The following DYRK3 variants were observed in gnomAD, a reference collection of about 807,000 sequenced individuals.
DYRK3 encodes dual specificity tyrosine phosphorylation regulated kinase 3, also known as dual specificity tyrosine-phosphorylation-regulated kinase 3.
A neutral mutation model predicts 40.8 loss-of-function variants in DYRK3; 30 were observed. The ratio of observed to expected loss-of-function variants is 0.74; its 90% CI spans 0.55 to 1.00. The LOEUF is 1.00. Ranked by LOEUF, DYRK3 falls within the 50% of genes least tolerant of loss-of-function variation. DYRK3 has a pLI of 0.00. For missense variants in DYRK3, 699 were observed against 731.5 expected (o/e 0.96, Z 0.51); for synonymous variants, 272 against 260.7 (o/e 1.04, Z -0.42).
Position 206,651,420 on chromosome 1 carries a change from T to G in DYRK3, c.*2455T>G, listed in dbSNP as rs541407211. Among the ~76,000 whole-genome samples the G allele has an allele frequency of 6.6e-6, 1 of 152,360 alleles. No individual in the cohort carries two copies. The highest frequency in any genetic ancestry group is 1.9e-4 in the East Asian group (1 of 5,196). The stretch of plus-strand genomic sequence containing the variant: ...TCTTCACTGTGTTCTTGGATCAGCC[T>G]TCTTTCAACTACCAAGAAATGGATG... On this transcript the variant is annotated 3_prime_UTR_variant, in exon 3 of 3. Transcript: ENST00000367109.
chr1:206,648,644 CTG>C lies in DYRK3; in HGVS notation c.1447_1448del (p.Trp483GlyfsTer8). ...AGCGGGGTCCCCCAGGCAGCAAAGA[CTG>C]GGGGACAGCACTGAAAGGGTGTGAT... ...KKRGPPGSKD[W>X]GTALKGCDDY... On this transcript the variant is annotated frameshift_variant, in exon 3 of 3. Transcript: ENST00000367109. LOFTEE classifies it high-confidence loss of function. 6.2e-7 allele frequency: 1 copy of C among 1,613,848 alleles called. No individual in the cohort carries two copies. Among genetic ancestry groups the C allele is most frequent in the Non-Finnish European group, 8.5e-7 (1 of 1,179,830 alleles).
At position 206,647,824 on chromosome 1, in the gene DYRK3, A is replaced by C; in HGVS notation, c.626A>C (p.Tyr209Ser). Residue 209 changes from tyrosine (Y) to serine (S), a missense_variant, in exon 3 of 3, where the codon TAT becomes TCT. Physicochemically the swap from Tyr to Ser is moderately radical, Grantham distance 144 (BLOSUM62 -2). Transcript: ENST00000367109. ...CCTCGAGACCATCTAGCTTATCGAT[A>C]TGAGGTGCTGAAAATTATTGGCAAG... ...HVPRDHLAYRYEVLKIIGKGS... is the reference protein window; with the variant it reads ...HVPRDHLAYRSEVLKIIGKGS... The C allele has an allele frequency of 1.9e-6, 3 of 1,614,142 alleles. No individual in the cohort carries two copies. The highest frequency in any genetic ancestry group is 2.5e-6 in the Non-Finnish European group (3 of 1,180,034).
chr1:206,648,271 C>T lies in DYRK3; in HGVS notation c.1073C>T (p.Ser358Phe), dbSNP rs782022196. ...TCAACCAAGGTCATTGACTTTGGGT[C>T]CAGCTGTTTCGAGTACCAGAAGCTC... is the stretch of plus-strand genomic sequence containing the variant. ...RSSTKVIDFG[S>F]SCFEYQKLYT... The change falls in exon 3 of 3, where the codon TCC becomes TTC. Residue 358 changes from serine (S) to phenylalanine (F), a missense_variant. Coordinates refer to ENST00000367109, the MANE Select transcript of DYRK3 (RefSeq NM_003582.4). 5.0e-6 allele frequency: 8 copies of T among 1,613,254 alleles called. No individual in the cohort carries two copies. The Admixed American group carries it at 1.3e-4, about 27-fold the overall frequency.
chr1:206,636,053 G>C (rs1553418272), intron 1 of DYRK3: 1 of 1,514,930 alleles, frequency 6.6e-7, no homozygotes. Context: ...CCTAGATCGG[G>C]GTATATGTTA....
At chr1:206,639,340 A>T (rs782085245) in intron 2 of DYRK3, among the ~76,000 whole-genome samples, 20 of 152,110 alleles carry the variant, frequency 1.3e-4, no homozygotes, top group Non-Finnish European at 2.8e-4. Context: ...GAACTTCAGA[A>T]CCATATACAT....
rs1253286766 is a variant in DYRK3, at chr1:206,652,026, C to T, written c.*3061C>T. ...CCAGCAGCAGTGTCAAGACAGCTGA[C>T]ACTGTCTTCCAAGAGTGAATGCATT... On this transcript the variant is annotated 3_prime_UTR_variant, in exon 3 of 3. Coordinates refer to ENST00000367109, the MANE Select transcript of DYRK3 (RefSeq NM_003582.4). Among the ~76,000 whole-genome samples, 2 of 152,142 alleles carry T rather than the reference C, an allele frequency of 1.3e-5. No individual in the cohort carries two copies. The highest frequency in any genetic ancestry group is 4.8e-5 in the African/African-American group (2 of 41,428).
chr1:206,646,386 G>C (rs782576342), intron 2 of DYRK3, among the ~76,000 whole-genome samples: 1 of 152,134 alleles, frequency 6.6e-6, no homozygotes, highest in Admixed American at 6.5e-5. Context: ...AGAGGTGTAA[G>C]TAGAGCTTTT....
At chr1:206,637,977 T>C (rs1671166197) in intron 2 of DYRK3, among the ~76,000 whole-genome samples, 2 of 152,218 alleles carry the variant, frequency 1.3e-5, no homozygotes, top group South Asian at 4.1e-4. Context: ...CAGTTTCCAC[T>C]GGGATAAATA....
At position 206,649,921 on chromosome 1, in the gene DYRK3, A is replaced by G. The variant is rs1553421087; in HGVS notation, c.*956A>G. Among the ~76,000 whole-genome samples the G allele has an allele frequency of 6.6e-6, 1 of 152,150 alleles. No homozygotes were observed. The highest frequency in any genetic ancestry group is 2.4e-5 in the African/African-American group (1 of 41,440). On this transcript the variant is annotated 3_prime_UTR_variant, in exon 3 of 3. Coordinates refer to ENST00000367109, the MANE Select transcript of DYRK3 (RefSeq NM_003582.4). The stretch of plus-strand genomic sequence containing the variant: ...TCTCTTTACAGCTACCTGCCACTTC[A>G]ATGTGCCACATTTTTCCCCCCACTT...
In DYRK3 at chr1:206,654,999, A is replaced by G. The variant is rs1671717814; in HGVS notation, c.*6034A>G. On this transcript the variant is annotated 3_prime_UTR_variant, in exon 3 of 3. Coordinates refer to ENST00000367109, the MANE Select transcript of DYRK3 (RefSeq NM_003582.4). ...TTCAGCTCAGAATGTCAGCCTCTGAAGCATCAGGTTTGAATGACTTTGGTG... is the reference window on the plus strand; with the variant it reads ...TTCAGCTCAGAATGTCAGCCTCTGAGGCATCAGGTTTGAATGACTTTGGTG... 6.6e-6 allele frequency among the ~76,000 whole-genome samples: 1 copy of G among 152,230 alleles called. No homozygotes were observed. The highest frequency in any genetic ancestry group is 2.4e-5 in the African/African-American group (1 of 41,456).
chr1:206,645,945 G>C (rs1467562681), intron 2 of DYRK3, among the ~76,000 whole-genome samples: 2 of 152,012 alleles, frequency 1.3e-5, no homozygotes, highest in Non-Finnish European at 2.9e-5. Context: ...CACCTCCTGG[G>C]TTCAAGCAAT....
rs141266804 is a variant in DYRK3 at position 206,648,919 on chromosome 1, A to G, written c.1721A>G (p.Asn574Ser). 172 of 1,614,144 alleles carry G rather than the reference A, an allele frequency of 1.1e-4. No individual in the cohort carries two copies. In the African/African-American group the frequency reaches 2.1e-3, roughly 20 times the overall value. ...AAAGCTAACTTAATGTCAGAAACCA[A>G]TGGTAGTATACCCCTATGCAGTGTA... ...KLKANLMSET[N>S]GSIPLCSVLP... The change falls in exon 3 of 3, where the codon AAT becomes AGT. Residue 574 changes from asparagine to serine, a missense_variant. Asn to Ser is a conservative substitution (Grantham distance 46). Coordinates refer to ENST00000367109, the MANE Select transcript of DYRK3 (RefSeq NM_003582.4).
intron 2 of DYRK3, among the ~76,000 whole-genome samples, chr1:206,644,031 C>CTTT (rs556718022): frequency 2.3e-4 from 23 of 101,046 alleles, no homozygotes; most frequent in African/African-American, 3.8e-4. Context: ...GGACCTACAG[C>CTTT]TTTTTTTTTT....
intron 2 of DYRK3, among the ~76,000 whole-genome samples, chr1:206,639,186 C>G (rs1671205742): frequency 6.6e-6 from 1 of 151,996 alleles, no homozygotes; most frequent in African/African-American, 2.4e-5. Context: ...GCCCTTTCCC[C>G]ACTTTCAACA....
intron 2 of DYRK3, among the ~76,000 whole-genome samples, chr1:206,644,139 ATTC>A (rs1179118708): frequency 2.0e-5 from 3 of 149,312 alleles, no homozygotes; most frequent in South Asian, 2.2e-4. Context: ...GGTTCAAGCA[ATTC>A]TTCTTCCTCA....
Position 206,648,608 on chromosome 1 carries a change from T to C in DYRK3, c.1410T>C (p.Arg470=). 2 of 1,613,900 alleles carry C rather than the reference T, an allele frequency of 1.2e-6. No individual in the cohort carries two copies. Among genetic ancestry groups the C allele is most frequent in the Non-Finnish European group, 1.7e-6 (2 of 1,179,856 alleles). The change falls in exon 3 of 3, where the codon CGT becomes CGC. Residue 470 remains arginine, a synonymous_variant. Transcript: ENST00000367109. ...GRVVLVGGRS[R]RGKKRGPPGS... Reference sequence around the variant, plus strand: ...TTGTGCTTGTGGGGGGTCGCTCACGTAGGGGTAAAAAGCGGGGTCCCCCAG... The same window carrying C: ...TTGTGCTTGTGGGGGGTCGCTCACGCAGGGGTAAAAAGCGGGGTCCCCCAG...
At position 206,652,655 on chromosome 1, in the gene DYRK3, T is replaced by C. The variant is rs1225857041; in HGVS notation, c.*3690T>C. 1.3e-5 allele frequency among the ~76,000 whole-genome samples: 2 copies of C among 152,186 alleles called. No homozygotes were observed. The highest frequency in any genetic ancestry group is 2.9e-5 in the Non-Finnish European group (2 of 68,024). On this transcript the variant is annotated 3_prime_UTR_variant, in exon 3 of 3. Coordinates refer to ENST00000367109, the MANE Select transcript of DYRK3 (RefSeq NM_003582.4). Reference sequence around the variant, plus strand: ...GAGAGTGGGCTGCTTAAAAACATGGTGCTCGTCCACATGGATTTGAGGAAG... The same window carrying C: ...GAGAGTGGGCTGCTTAAAAACATGGCGCTCGTCCACATGGATTTGAGGAAG...
At chr1:206,646,603 A>G (rs966434207) in intron 2 of DYRK3, among the ~76,000 whole-genome samples, 24 of 152,204 alleles carry the variant, frequency 1.6e-4, no homozygotes, top group African/African-American at 5.5e-4. Context: ...GATTCAATGA[A>G]CTGAGTTAAA....
At position 206,648,932 on chromosome 1, in the gene DYRK3, C is replaced by T. The variant is rs1213341935; in HGVS notation, c.1734C>T (p.Pro578=). Residue 578 remains proline (P), a synonymous_variant, in exon 3 of 3, where the codon CCC becomes CCT. Transcript: ENST00000367109. The part of the protein sequence containing the change: ...NLMSETNGSI[P]LCSVLPKLIS The stretch of plus-strand genomic sequence containing the variant: ...TGTCAGAAACCAATGGTAGTATACC[C>T]CTATGCAGTGTATTGCCAAAACTGA... 95 of 1,613,566 alleles carry T rather than the reference C, an allele frequency of 5.9e-5. No individual in the cohort carries two copies. The highest frequency in any genetic ancestry group is 7.5e-5 in the Non-Finnish European group (89 of 1,179,862).
Sources: gnomAD v4.1 joint callset for allele counts (sites outside exome capture counted in the v4.1 genomes callset) on GRCh38, gnomAD v4.1.1 for gene constraint, MANE v1.5 for transcripts, NCBI Gene and HGNC (gene_info 2026-07-23, HGNC 2026-07-21) for gene names.